The following PELO variants were observed in gnomAD, a reference collection of about 807,000 sequenced individuals.
PELO encodes the protein pelota mRNA surveillance and ribosome rescue factor.
PELO carries 19 observed loss-of-function variants against 25.9 expected under a neutral mutation model. The observed-to-expected ratio is 0.73, with a 90% CI of 0.51 to 1.08. The LOEUF (loss-of-function observed/expected upper bound fraction) is 1.08, where lower values mean the gene tolerates loss of function less well. Ranked by LOEUF, PELO falls within the 50% of genes least tolerant of loss-of-function variation. The pLI, the probability that PELO is intolerant of heterozygous loss-of-function variation, is 0.00. For missense variants in PELO, 498 were observed against 491.4 expected (o/e 1.01, Z -0.13); for synonymous variants, 196 against 192.2 (o/e 1.02, Z -0.16).
rs1196277910 is a variant in PELO at position 52,800,755 on chromosome 5, G to C, written c.361G>C (p.Val121Leu). The stretch of plus-strand genomic sequence containing the variant: ...GGCCAAGAAGCAGTGGGATAGTGTG[G>C]TACTGGAGCGCATCGAGCAGGCCTG... ...TLAKKQWDSVVLERIEQACDP... is the reference protein window; with the variant it reads ...TLAKKQWDSVLLERIEQACDP... The change falls in exon 2 of 3, where the codon GTA (valine) becomes CTA (leucine). Residue 121 changes from valine (V) to leucine (L), a missense_variant. Physicochemically the swap from Val to Leu is conservative, Grantham distance 32. Transcript: ENST00000274311. 1.2e-6 allele frequency: 2 copies of C among 1,614,222 alleles called. No homozygotes were observed. The highest frequency in any genetic ancestry group is 8.5e-7 in the Non-Finnish European group (1 of 1,180,038).
At chr5:52,797,925 C>T (rs925492611) in intron 1 of PELO, among the ~76,000 whole-genome samples, 2 of 152,144 alleles carry the variant, frequency 1.3e-5, no homozygotes, top group African/African-American at 4.8e-5. Context: ...CACTGTGATT[C>T]TGTGGCTTTT....
At chr5:52,799,259 AACTT>A in intron 1 of PELO, among the ~76,000 whole-genome samples, 1 of 152,330 alleles carries the variant, frequency 6.6e-6, no homozygotes, top group East Asian at 1.9e-4. Context: ...AATGCTAAGT[AACTT>A]AAGGATTTTC....
intron 1 of PELO, among the ~76,000 whole-genome samples, chr5:52,790,100 CTCA>C (rs1748209698): frequency 6.6e-6 from 1 of 152,162 alleles, no homozygotes; most frequent in Admixed American, 6.5e-5. Flanking sequence ...TTGGAAACTT[CTCA>C]TCAATTCAGA....
intron 1 of PELO, among the ~76,000 whole-genome samples, chr5:52,790,140 A>AGT (rs1248055173): frequency 6.6e-6 from 1 of 152,150 alleles, no homozygotes; most frequent in East Asian, 1.9e-4. Context: ...GGGACTCATC[A>AGT]CCATACTTAT....
In PELO at chr5:52,800,864, C is replaced by T; in HGVS notation, c.470C>T (p.Thr157Ile). The T allele has an allele frequency of 6.2e-7, 1 of 1,610,848 alleles. No individual in the cohort carries two copies. The highest frequency in any genetic ancestry group is 8.5e-7 in the Non-Finnish European group (1 of 1,177,996). ...AHICLVTPSM[T>I]LTRAKVEVNI... is the part of the protein sequence containing the mutation. ...ATCTGCTTAGTCACTCCCAGCATGA[C>T]CCTCACTCGGGCCAAGGTGGAGGTG... Residue 157 changes from threonine to isoleucine, a missense_variant, in exon 2 of 3, where the codon ACC becomes ATC. Physicochemically the swap from Thr to Ile is moderately conservative, Grantham distance 89 (BLOSUM62 -1). Coordinates refer to ENST00000274311, the MANE Select transcript of PELO (RefSeq NM_015946.5).
chr5:52,801,552 T>C lies in PELO; in HGVS notation c.870T>C (p.Asp290=), dbSNP rs1748485848. ...DFYKMLQHEP[D]RAFYGLKQVE... ...ATAAAATGTTACAGCATGAACCGGATCGAGCTTTCTATGGACTCAAGCAGG... is the reference window on the plus strand; with the variant it reads ...ATAAAATGTTACAGCATGAACCGGACCGAGCTTTCTATGGACTCAAGCAGG... Residue 290 remains aspartate, a synonymous_variant, in exon 3 of 3, where the codon GAT becomes GAC. Coordinates refer to ENST00000274311, the MANE Select transcript of PELO (RefSeq NM_015946.5). 6.2e-7 allele frequency: 1 copy of C among 1,614,146 alleles called. No individual in the cohort carries two copies. The highest frequency in any genetic ancestry group is 8.5e-7 in the Non-Finnish European group (1 of 1,180,022).
chr5:52,798,953 A>G (rs2111657162), intron 1 of PELO, among the ~76,000 whole-genome samples: 1 of 152,180 alleles, frequency 6.6e-6, no homozygotes, highest in East Asian at 1.9e-4. Context: ...TCCCAGCTTA[A>G]CTTTTCCCTT....
chr5:52,795,353 G>C (rs908537208), intron 1 of PELO, among the ~76,000 whole-genome samples: 14 of 151,812 alleles, frequency 9.2e-5, no homozygotes, highest in African/African-American at 3.1e-4. Flanking sequence ...AGGAAAGTAA[G>C]CCTTCCAAAA....
rs1011743161 is a variant in PELO, at chr5:52,802,109, A to C, written c.*269A>C. The C allele has an allele frequency of 5.8e-6, 2 of 343,214 alleles. No individual in the cohort carries two copies. The highest frequency in any genetic ancestry group is 4.2e-5 in the African/African-American group (2 of 47,496). 21.3% of individuals were successfully genotyped at this position (343,214 alleles called of 1,614,324 possible). A position where few individuals can be genotyped will look rare whatever the true frequency, so the allele number is the denominator to read the frequency against. On this transcript the variant is annotated 3_prime_UTR_variant, in exon 3 of 3. Transcript: ENST00000274311. Reference sequence around the variant, plus strand: ...TGAGTTATCTGTAGTACTTGGAAACAGAAAATGTGTGTATTTAAAGACGAT... The same window carrying C: ...TGAGTTATCTGTAGTACTTGGAAACCGAAAATGTGTGTATTTAAAGACGAT...
Position 52,788,146 on chromosome 5 carries a change from G to C in PELO, c.-779G>C, listed in dbSNP as rs1748158886. The C allele has an allele frequency of 2.2e-6, 1 of 451,012 alleles. No individual in the cohort carries two copies. The highest frequency in any genetic ancestry group is 3.9e-6 in the Non-Finnish European group (1 of 253,512). 27.9% of individuals were successfully genotyped at this position (451,012 alleles called of 1,614,324 possible). A position where few individuals can be genotyped will look rare whatever the true frequency, so the allele number is the denominator to read the frequency against. On this transcript the variant is annotated 5_prime_UTR_variant, in exon 1 of 3. Transcript: ENST00000274311. The stretch of plus-strand genomic sequence containing the variant: ...GGCGGGCGATGTGGCAATCCGTCTG[G>C]GATGTGAAAAGCGTGGAGCGCATTT...
intron 1 of PELO, among the ~76,000 whole-genome samples, chr5:52,795,911 G>A (rs1243133453): frequency 2.0e-5 from 3 of 152,058 alleles, no homozygotes; most frequent in Non-Finnish European, 4.4e-5. Context: ...ATCCAGGAAA[G>A]ACCATATTTG....
At position 52,799,084 on chromosome 5, in the gene PELO, C is replaced by T. The variant is rs75342537; in HGVS notation, c.-510-801C>T. Among the ~76,000 whole-genome samples the T allele has an allele frequency of 1.6e-3, 236 of 152,216 alleles. 2 individuals are homozygous for T. The highest frequency in any genetic ancestry group is 5.4e-3 in the African/African-American group (226 of 41,524). On this transcript the variant is annotated intron_variant, in intron 1 of 2. Transcript: ENST00000274311. ...GGCTGGTTAGTTCCCCTTTCCAATC[C>T]ACACAGAGAAAGACAGAAAAGACAG...
At chr5:52,793,298 A>G (rs1167149085) in intron 1 of PELO, among the ~76,000 whole-genome samples, 5 of 152,088 alleles carry the variant, frequency 3.3e-5, no homozygotes, top group African/African-American at 1.2e-4. Flanking sequence ...TTGACTATTG[A>G]CAAACTCAGA....
At chr5:52,790,834 C>T (rs1297932104) in intron 1 of PELO, among the ~76,000 whole-genome samples, 1 of 152,230 alleles carries the variant, frequency 6.6e-6, no homozygotes, top group Non-Finnish European at 1.5e-5. Flanking sequence ...TTCTGCCTAC[C>T]ACAACCCATA....
intron 1 of PELO, among the ~76,000 whole-genome samples, chr5:52,797,465 A>G (rs1035325906): frequency 1.4e-5 from 2 of 146,918 alleles, no homozygotes; most frequent in African/African-American, 2.5e-5. Flanking sequence ...GGACAGAAGG[A>G]AAAAAAAAAA....
At chr5:52,791,844 GAAGTT>G (rs1395875749) in intron 1 of PELO, among the ~76,000 whole-genome samples, 5 of 151,968 alleles carry the variant, frequency 3.3e-5, no homozygotes, top group Admixed American at 6.6e-5. Flanking sequence ...ATAGTATTAA[GAAGTT>G]AATTTCATTT....
chr5:52,801,923 G>C lies in PELO; in HGVS notation c.*83G>C. ...CTCAGCATCCTTGTGACAGAAAGCT[G>C]CAAGAATGGCACTTTTTGATTCATA... On this transcript the variant is annotated 3_prime_UTR_variant, in exon 3 of 3. Transcript: ENST00000274311. 1 of 1,033,350 alleles carries C rather than the reference G, an allele frequency of 9.7e-7. No individual in the cohort carries two copies. Among genetic ancestry groups the C allele is most frequent in the South Asian group, 1.7e-5 (1 of 59,432 alleles). The allele number at this position is 1,033,350 out of a possible 1,614,324, so 64.0% of individuals were successfully genotyped here.
intron 1 of PELO, among the ~76,000 whole-genome samples, chr5:52,794,500 T>TACACACACAC (rs56996823): frequency 0.01 from 1,425 of 141,894 alleles, 20 homozygotes; most frequent in African/African-American, 0.034. Context: ...CAAATAGAAA[T>TACACACACAC]ACACACACAC....
In PELO at chr5:52,803,312, CATTAT is replaced by C. The variant is rs777933357; in HGVS notation, c.*1474_*1478del. ...TCAAAAGTAATTGAGATTGTCATTTCATTATAATTCCGTGAGTATCTTTAAATTAC... is the reference window on the plus strand; with the variant it reads ...TCAAAAGTAATTGAGATTGTCATTTCAATTCCGTGAGTATCTTTAAATTAC... On this transcript the variant is annotated 3_prime_UTR_variant, in exon 3 of 3. Coordinates refer to ENST00000274311, the MANE Select transcript of PELO (RefSeq NM_015946.5). 28 of 136,290 alleles carry C rather than the reference CATTAT, an allele frequency of 2.1e-4. No homozygotes were observed. The highest frequency in any genetic ancestry group is 2.3e-4 in the Admixed American group (3 of 12,904). 8.4% of individuals were successfully genotyped at this position (136,290 alleles called of 1,614,324 possible).
Sources: allele counts gnomAD v4.1 joint callset (sites outside exome capture counted in the v4.1 genomes callset), GRCh38; gene constraint gnomAD v4.1.1; transcripts MANE v1.5; gene names NCBI Gene and HGNC (gene_info 2026-07-23, HGNC 2026-07-21).